MALRD1: variants seen among roughly 807,000 people sequenced by gnomAD.
MALRD1 encodes the protein MAM and LDL receptor class A domain containing 1, also known as MAM and LDL-receptor class A domain-containing protein 1.
Under a neutral mutation model 242.1 loss-of-function variants are expected in MALRD1, and 247 were observed. That is an observed-to-expected ratio of 1.02 (90% CI 0.92 to 1.13). The LOEUF (loss-of-function observed/expected upper bound fraction) is 1.13. MALRD1 is among the 50% of genes most tolerant of loss of function. The pLI is 0.00. For missense variants in MALRD1, 2,989 were observed against 2,533.1 expected (o/e 1.18, Z -3.86); for synonymous variants, 995 against 866.6 (o/e 1.15, Z -2.60).
intron 10 of MALRD1, among the ~76,000 whole-genome samples, chr10:19,140,448 C>T (rs1001186091): frequency 1.8e-4 from 27 of 152,094 alleles, no homozygotes; most frequent in African/African-American, 6.3e-4. Context: ...TATATCTGCA[C>T]CCTCATGTTC....
chr10:19,668,486 C>T (rs140490727), intron 36 of MALRD1, among the ~76,000 whole-genome samples: 130 of 152,052 alleles, frequency 8.5e-4, no homozygotes, highest in African/African-American at 3.0e-3. Flanking sequence ...CCCAGAAAGC[C>T]GAGGATAACC....
At chr10:19,356,009 C>T (rs373227493) in intron 26 of MALRD1, among the ~76,000 whole-genome samples, 10 of 150,260 alleles carry the variant, frequency 6.7e-5, no homozygotes, top group East Asian at 1.9e-4. Context: ...GAGTGTAATT[C>T]GGTGGAGACA....
intron 18 of MALRD1, among the ~76,000 whole-genome samples, chr10:19,229,276 A>AT (rs1352739352): frequency 6.6e-6 from 1 of 152,156 alleles, no homozygotes; most frequent in Non-Finnish European, 1.5e-5. Context: ...CTAGAGGAAA[A>AT]TTATAGCTTT....
At chr10:19,367,439 G>A (rs933516959) in intron 26 of MALRD1, among the ~76,000 whole-genome samples, 2 of 152,020 alleles carry the variant, frequency 1.3e-5, no homozygotes, top group African/African-American at 4.8e-5. Flanking sequence ...TGCTCACGAT[G>A]GGATTTCTTG....
rs1262868562 is a variant in MALRD1, at chr10:19,578,938, G to A, written c.5680+11235G>A. Among the ~76,000 whole-genome samples the A allele has an allele frequency of 3.3e-5, 5 of 152,190 alleles. 1 individual carries two copies. In the East Asian group the frequency reaches 9.7e-4, roughly 29 times the overall value. On this transcript the variant is annotated intron_variant, in intron 33 of 39. Transcript: ENST00000454679. ...TCCAAGAACACGTGTTATATAATGG[G>A]ACGAGATAACCCAACACAACTTAAT...
chr10:19,444,254 CTT>C (rs906077004), intron 28 of MALRD1, among the ~76,000 whole-genome samples: 28 of 152,100 alleles, frequency 1.8e-4, no homozygotes, highest in Non-Finnish European at 4.1e-4. Flanking sequence ...GGTCTTGACT[CTT>C]TATCCAATTT....
At chr10:19,104,869 G>T (rs1217445886) in intron 5 of MALRD1, among the ~76,000 whole-genome samples, 1 of 151,820 alleles carries the variant, frequency 6.6e-6, no homozygotes, top group Non-Finnish European at 1.5e-5. Context: ...TATTGTGCTT[G>T]GTTTTTGAAA....
intron 2 of MALRD1, among the ~76,000 whole-genome samples, chr10:19,086,214 A>G (rs1235885444): frequency 2.0e-5 from 3 of 152,082 alleles, no homozygotes; most frequent in Non-Finnish European, 4.4e-5. Context: ...ATTTTGGAAT[A>G]GGAGTAGGGA....
intron 38 of MALRD1, 114 bp downstream of exon 38, chr10:19,692,668 G>A: frequency 1.3e-6 from 1 of 746,984 alleles, no homozygotes; most frequent in Non-Finnish European, 2.1e-6. Flanking sequence ...AAACTTTAGT[G>A]TTTTGCTGCT....
intron 29 of MALRD1, among the ~76,000 whole-genome samples, chr10:19,466,131 A>G (rs572788077): frequency 1.3e-5 from 2 of 152,182 alleles, no homozygotes; most frequent in Admixed American, 6.5e-5. Context: ...TCTTCTTTTG[A>G]GAATTACCCA....
intron 38 of MALRD1, among the ~76,000 whole-genome samples, chr10:19,718,179 AG>A (rs1834500682): frequency 6.6e-6 from 1 of 151,822 alleles, no homozygotes; most frequent in South Asian, 2.1e-4. Context: ...AGAGGAAGAA[AG>A]GAAAAAGAAG....
intron 26 of MALRD1, among the ~76,000 whole-genome samples, chr10:19,366,062 G>T (rs1037940663): frequency 6.6e-6 from 1 of 151,888 alleles, no homozygotes; most frequent in Admixed American, 6.6e-5. Context: ...CACATACTGG[G>T]GAGTAGGGGG....
chr10:19,051,040 C>T (rs1834477757), intron 1 of MALRD1, among the ~76,000 whole-genome samples: 1 of 152,196 alleles, frequency 6.6e-6, no homozygotes, highest in African/African-American at 2.4e-5. Flanking sequence ...ACCTTTTGGA[C>T]TTCTTGCTTT....
At chr10:19,081,363 C>A (rs1226268746) in intron 2 of MALRD1, among the ~76,000 whole-genome samples, 1 of 152,032 alleles carries the variant, frequency 6.6e-6, no homozygotes, top group Admixed American at 6.6e-5. Flanking sequence ...TGGAACTAAC[C>A]CAAATGCCCA....
In MALRD1 at chr10:19,305,514, A is replaced by G. The variant is rs144237261; in HGVS notation, c.3420-18435A>G. On this transcript the variant is annotated intron_variant, in intron 21 of 39. Coordinates refer to ENST00000454679, the MANE Select transcript of MALRD1 (RefSeq NM_001142308.3). ...TATAAAGCTAAATAAAAGTATTGCA[A>G]GTTTTCAATTTTGAACCAATTTGTT... Among the ~76,000 whole-genome samples, 495 of 151,378 alleles carry G rather than the reference A, an allele frequency of 3.3e-3. 3 individuals are homozygous for G. Among genetic ancestry groups the G allele is most frequent in the African/African-American group, 0.012 (482 of 41,380 alleles).
rs117739825 is a variant in MALRD1 at position 19,294,828 on chromosome 10, G to A, written c.3419+11647G>A. 5.5e-4 allele frequency among the ~76,000 whole-genome samples: 83 copies of A among 152,114 alleles called. No individual in the cohort carries two copies. The East Asian group carries it at 0.015, about 28-fold the overall frequency. On this transcript the variant is annotated intron_variant, in intron 21 of 39. Transcript: ENST00000454679. ...GAAAGAAAAATACAGTTTTATTTTA[G>A]AAAAGTGTTTAGATATAGATAAGAA...
chr10:19,617,048 G>C (rs1839190279), intron 36 of MALRD1, among the ~76,000 whole-genome samples: 1 of 151,908 alleles, frequency 6.6e-6, no homozygotes, highest in African/African-American at 2.4e-5. Context: ...ATGCCAAAAA[G>C]TTTATTAAAT....
intron 28 of MALRD1, among the ~76,000 whole-genome samples, chr10:19,447,147 A>G (rs1014812691): frequency 6.6e-6 from 1 of 151,622 alleles, no homozygotes; most frequent in Non-Finnish European, 1.5e-5. Context: ...GTTTATTTTT[A>G]TGACTTTTTC....
At chr10:19,638,101 CA>C (rs56865342) in intron 36 of MALRD1, among the ~76,000 whole-genome samples, 3,348 of 41,720 alleles carry the variant, frequency 0.08, 16 homozygotes, top group East Asian at 0.11. Context: ...AACTCACTCT[CA>C]AAAAAAAAAA....
Sources: allele counts gnomAD v4.1 joint callset (sites outside exome capture counted in the v4.1 genomes callset), GRCh38; gene constraint gnomAD v4.1.1; transcripts MANE v1.5; gene names NCBI Gene and HGNC (gene_info 2026-07-23, HGNC 2026-07-21).